RAB36: variants seen among roughly 807,000 people sequenced by gnomAD.
RAB36 encodes RAB36, member RAS oncogene family, also known as ras-related protein Rab-36.
In RAB36, 33 loss-of-function variants were observed where a neutral mutation model predicts 39.3. The observed-to-expected ratio is 0.84, with a 90% CI of 0.64 to 1.12. The LOEUF (loss-of-function observed/expected upper bound fraction) is 1.12, where lower values mean the gene tolerates loss of function less well. Among genes scored for constraint, RAB36 ranks in the 50% most tolerant of loss-of-function variants. The pLI is 0.00. For synonymous variants in RAB36, 133 were observed against 140.2 expected (o/e 0.95, Z 0.36); for missense variants, 308 against 355.3 (o/e 0.87, Z 1.07).
rs189789117 is a variant in RAB36, at chr22:23,151,788, C to T, written c.162-673C>T. ...TAGGACACACAGAGGGTGAGGGTGG[C>T]GGCTGCTCTTGGGGAACAGTGACCC... On this transcript the variant is annotated intron_variant, in intron 3 of 10. Coordinates refer to ENST00000263116, the MANE Select transcript of RAB36 (RefSeq NM_004914.5). Among the ~76,000 whole-genome samples, 22 of 152,312 alleles carry T rather than the reference C, an allele frequency of 1.4e-4. No homozygotes were observed. In the East Asian group the frequency reaches 3.7e-3, roughly 25 times the overall value.
chr22:23,147,032 TA>T (rs1353849492), intron 2 of RAB36, among the ~76,000 whole-genome samples: 1 of 151,268 alleles, frequency 6.6e-6, no homozygotes, highest in Non-Finnish European at 1.5e-5. Context: ...ATTCCTCTCA[TA>T]TTGGGTGCCT....
intron 7 of RAB36, among the ~76,000 whole-genome samples, chr22:23,158,504 G>A (rs1227049967): frequency 2.6e-5 from 4 of 152,172 alleles, no homozygotes; most frequent in Non-Finnish European, 5.9e-5. Flanking sequence ...GCTGGGAATC[G>A]GCCAGCTACT....
intron 1 of RAB36, 106 bp downstream of exon 1, chr22:23,145,657 G>A: frequency 7.7e-7 from 1 of 1,297,010 alleles, no homozygotes; most frequent in Non-Finnish European, 1.0e-6. Context: ...CCCACTTCCC[G>A]CCCCTATAAC....
chr22:23,162,444 T>TC lies in RAB36; in HGVS notation c.*882dup. On this transcript the variant is annotated 3_prime_UTR_variant, in exon 11 of 11. Transcript: ENST00000263116. ...CTGGGCCTGTGCCCACTGCTGCCTC[T>TC]CCATCCCTCTCTCATTGGCCTATAC... 1 of 359,030 alleles carries TC rather than the reference T, an allele frequency of 2.8e-6. No individual in the cohort carries two copies. The highest frequency in any genetic ancestry group is 3.4e-5 in the Admixed American group (1 of 29,108). The allele number at this position is 359,030 out of a possible 1,614,324, so 22.2% of individuals were successfully genotyped here.
At chr22:23,166,538 T>G (rs868011468), downstream of RAB36, among the ~76,000 whole-genome samples, 23 of 152,146 alleles carry the variant, frequency 1.5e-4, no homozygotes, top group South Asian at 6.2e-4. Context: ...GAAAGCCTGC[T>G]TTAGCCTCTC....
At position 23,162,869 on chromosome 22, in the gene RAB36, T is replaced by G. The variant is rs2071887862; in HGVS notation, c.*1305T>G. The G allele has an allele frequency of 5.0e-6, 2 of 398,968 alleles. No homozygotes were observed. Among genetic ancestry groups the G allele is most frequent in the Non-Finnish European group, 5.1e-6 (1 of 195,044 alleles). 24.7% of individuals were successfully genotyped at this position (398,968 alleles called of 1,614,324 possible). On this transcript the variant is annotated 3_prime_UTR_variant, in exon 11 of 11. Transcript: ENST00000263116. ...GAAGAACACTGGCATCTTTTTCTAT[T>G]CATTCCCCCTTCAACATATTTTTTG...
rs1344352281 is a variant in RAB36 at position 23,164,551 on chromosome 22, T to C, written c.*2987T>C. 3.3e-5 allele frequency among the ~76,000 whole-genome samples: 5 copies of C among 152,146 alleles called. No homozygotes were observed. Among genetic ancestry groups the C allele is most frequent in the Non-Finnish European group, 5.9e-5 (4 of 68,022 alleles). On this transcript the variant is annotated 3_prime_UTR_variant, in exon 11 of 11. Transcript: ENST00000263116. ...GGTTTGCGCACCCTCACTTTGATGA[T>C]TTAATGAAGACATTTCCTTCTTTCC... is the stretch of plus-strand genomic sequence containing the variant.
rs371413983 is a variant in RAB36 at position 23,164,365 on chromosome 22, T to A, written c.*2801T>A. On this transcript the variant is annotated 3_prime_UTR_variant, in exon 11 of 11. Coordinates refer to ENST00000263116, the MANE Select transcript of RAB36 (RefSeq NM_004914.5). ...ATATTACCTCCTGCAATGTGCCAGC[T>A]GATTCCCACACACCCTGACTGACAT... 1.3e-5 allele frequency: 2 copies of A among 152,418 alleles called. No homozygotes were observed. Among genetic ancestry groups the A allele is most frequent in the East Asian group, 3.9e-4 (2 of 5,190 alleles). 9.4% of individuals were successfully genotyped at this position (152,418 alleles called of 1,614,324 possible). A position where few individuals can be genotyped will look rare whatever the true frequency, so the allele number is the denominator to read the frequency against.
intron 6 of RAB36, 140 bp from the exon 7 acceptor site, chr22:23,157,852 T>TC: frequency 6.5e-7 from 1 of 1,538,266 alleles, no homozygotes; most frequent in Non-Finnish European, 8.7e-7. Flanking sequence ...TCCTCAGCCT[T>TC]CATTGTAGGA....
Position 23,162,635 on chromosome 22 carries a change from G to A in RAB36, c.*1071G>A, listed in dbSNP as rs1436643294. 3 of 456,148 alleles carry A rather than the reference G, an allele frequency of 6.6e-6. No individual in the cohort carries two copies. Among genetic ancestry groups the A allele is most frequent in the Admixed American group, 2.3e-5 (1 of 42,556 alleles). 28.3% of individuals were successfully genotyped at this position (456,148 alleles called of 1,614,324 possible). A position where few individuals can be genotyped will look rare whatever the true frequency, so the allele number is the denominator to read the frequency against. ...CTCTGCCCAGTATGCTCATCCACAG[G>A]GTTTTCTCACTGCTATGAACCAGCC... is the stretch of plus-strand genomic sequence containing the variant. On this transcript the variant is annotated 3_prime_UTR_variant, in exon 11 of 11. Transcript: ENST00000263116.
chr22:23,161,620 G>GT lies in RAB36; in HGVS notation c.*57dup. The GT allele has an allele frequency of 6.9e-7, 1 of 1,445,288 alleles. No individual in the cohort carries two copies. The highest frequency in any genetic ancestry group is 1.2e-5 in the South Asian group (1 of 82,602). The allele number at this position is 1,445,288 out of a possible 1,614,324, so 89.5% of individuals were successfully genotyped here. On this transcript the variant is annotated 3_prime_UTR_variant, in exon 11 of 11. Transcript: ENST00000263116. ...TGCACACACACGGACAGGAATTTCC[G>GT]TGACTGTGGTGTGGAGACTGGAGCC... is the stretch of plus-strand genomic sequence containing the variant.
chr22:23,158,210 A>G (rs544030136), intron 7 of RAB36, among the ~76,000 whole-genome samples, 167 bp downstream of exon 7: 1 of 152,308 alleles, frequency 6.6e-6, no homozygotes, highest in African/African-American at 2.4e-5. Flanking sequence ...AACTGCCTTT[A>G]TCGCTTGAGA....
intron 5 of RAB36, among the ~76,000 whole-genome samples, chr22:23,155,249 T>C (rs2071389371): frequency 6.6e-6 from 1 of 152,200 alleles, no homozygotes; most frequent in East Asian, 1.9e-4. Flanking sequence ...GGAACAATTT[T>C]CCGACTCAGC....
chr22:23,145,637 A>G lies in RAB36; in HGVS notation c.-13+86A>G, dbSNP rs114791894. 8.3e-4 allele frequency: 1,163 copies of G among 1,403,308 alleles called. 9 individuals carry two copies. In the African/African-American group the frequency reaches 0.015, roughly 18 times the overall value. 86.9% of individuals were successfully genotyped at this position (1,403,308 alleles called of 1,614,324 possible). A position where few individuals can be genotyped will look rare whatever the true frequency, so the allele number is the denominator to read the frequency against. On this transcript the variant is annotated intron_variant, in intron 1 of 10. Transcript: ENST00000263116. The stretch of plus-strand genomic sequence containing the variant: ...CCCGAGGCCAGGGCCGCGAGGGCAC[A>G]GCGTCCGCGCCCACTTCCCGCCCCT...
chr22:23,145,537 T>A lies in RAB36; in HGVS notation c.-27T>A. On this transcript the variant is annotated 5_prime_UTR_variant, in exon 1 of 11. Transcript: ENST00000263116. The stretch of plus-strand genomic sequence containing the variant: ...ACCAGGCCGCGCGGAGCCCCAGCTT[T>A]CACAGCCATCGCTGGTGAGTCAGCT... 1 of 1,602,082 alleles carries A rather than the reference T, an allele frequency of 6.2e-7. No homozygotes were observed. The highest frequency in any genetic ancestry group is 8.5e-7 in the Non-Finnish European group (1 of 1,179,262).
At chr22:23,145,473 T>G (rs377176753), upstream of RAB36, 1 of 1,609,556 alleles carries the variant, frequency 6.2e-7, no homozygotes, top group Non-Finnish European at 8.5e-7. Context: ...CCCGCGTGGC[T>G]CTCGTTGCCA....
chr22:23,150,203 A>C, intron 3 of RAB36, 49 bp downstream of exon 3: 1 of 1,402,852 alleles, frequency 7.1e-7, no homozygotes, highest in Non-Finnish European at 1.0e-6. Context: ...AGAAGGAATG[A>C]GTGCATGAAG....
Position 23,159,175 on chromosome 22 carries a change from T to G in RAB36, c.541T>G (p.Cys181Gly). ...TKKDLLSGAACEQAEADAVHL... is the reference protein window; with the variant it reads ...TKKDLLSGAAGEQAEADAVHL... ...CCATTTCTCCCAGTCAGGGGCCGCA[T>G]GTGAGCAGGCCGAAGCAGACGCTGT... The change falls in exon 9 of 11, where the codon TGT becomes GGT. Residue 181 changes from cysteine to glycine, a missense_variant. Transcript: ENST00000263116. 1 of 1,611,510 alleles carries G rather than the reference T, an allele frequency of 6.2e-7. No homozygotes were observed.
In RAB36 at chr22:23,156,030, A is replaced by C. The variant is rs770484422; in HGVS notation, c.392A>C (p.Gln131Pro). 4 of 1,611,788 alleles carry C rather than the reference A, an allele frequency of 2.5e-6. No individual in the cohort carries two copies. The highest frequency in any genetic ancestry group is 3.4e-6 in the Non-Finnish European group (4 of 1,178,928). ...GCATCTGCCTACTACCGGGGTGCCC[A>C]GGGTGAGCAACATGCCACGTCGGGG... is the stretch of plus-strand genomic sequence containing the variant. ...CIASAYYRGA[Q>P]VIITAFDLTD... The change falls in exon 6 of 11, where the codon CAG (glutamine) becomes CCG (proline). Residue 131 changes from glutamine (Q) to proline (P), a missense_variant and splice_region_variant. By Grantham distance (76) the Gln-to-Pro change is moderately conservative (BLOSUM62 -1). Coordinates refer to ENST00000263116, the MANE Select transcript of RAB36 (RefSeq NM_004914.5).
Sources: gnomAD v4.1 joint callset for allele counts (sites outside exome capture counted in the v4.1 genomes callset) on GRCh38, gnomAD v4.1.1 for gene constraint, MANE v1.5 for transcripts, NCBI Gene and HGNC (gene_info 2026-07-23, HGNC 2026-07-21) for gene names.